The following RBPMS variants were observed in gnomAD, a reference collection of about 807,000 sequenced individuals.
RBPMS encodes RNA binding protein, mRNA processing factor.
RBPMS carries 7 observed loss-of-function variants against 26.8 expected under a neutral mutation model. The ratio of observed to expected loss-of-function variants is 0.26; its 90% confidence interval spans 0.15 to 0.49. RBPMS has a LOEUF of 0.49. RBPMS is among the 20% of genes least tolerant of loss of function. The pLI is 0.98. For synonymous variants in RBPMS, 96 were observed against 93.3 expected (o/e 1.03, Z -0.17); for missense variants, 186 against 250.0 (o/e 0.74, Z 1.73).
intron 5 of RBPMS, among the ~76,000 whole-genome samples, chr8:30,540,935 C>G (rs1825320789): frequency 1.3e-5 from 2 of 152,174 alleles, no homozygotes; most frequent in Admixed American, 1.3e-4. Flanking sequence ...AAGGTAGCAT[C>G]TTGCTGAAAT....
chr8:30,540,761 A>T (rs570876397), intron 5 of RBPMS, among the ~76,000 whole-genome samples: 75 of 152,208 alleles, frequency 4.9e-4, no homozygotes, highest in Non-Finnish European at 9.9e-4. Flanking sequence ...TCTTGACTTG[A>T]GTGTGGAAGC....
At chr8:30,501,465 T>G (rs1820550391) in intron 4 of RBPMS, among the ~76,000 whole-genome samples, 1 of 151,818 alleles carries the variant, frequency 6.6e-6, no homozygotes, top group African/African-American at 2.4e-5. Context: ...CAGTGTCCTT[T>G]TAAAGATCTC....
intron 1 of RBPMS, among the ~76,000 whole-genome samples, chr8:30,462,736 G>T (rs370531313): frequency 2.7e-5 from 4 of 150,502 alleles, no homozygotes; most frequent in Admixed American, 1.3e-4. Context: ...CTGATTTTTT[G>T]TTGTTGTTGT....
At chr8:30,556,378 G>A (rs538132522) in intron 6 of RBPMS, 23 of 985,578 alleles carry the variant, frequency 2.3e-5, no homozygotes, top group South Asian at 4.7e-5. Flanking sequence ...GCACCTGTGC[G>A]AGTGAGAACG....
chr8:30,466,783 G>A (rs1478128370), intron 1 of RBPMS, among the ~76,000 whole-genome samples: 3 of 151,940 alleles, frequency 2.0e-5, no homozygotes, highest in Non-Finnish European at 2.9e-5. Flanking sequence ...TAGTAGAGAC[G>A]GGGTTTCACC....
At chr8:30,455,562 A>G (rs1472595365) in intron 1 of RBPMS, among the ~76,000 whole-genome samples, 1 of 152,174 alleles carries the variant, frequency 6.6e-6, no homozygotes, top group African/African-American at 2.4e-5. Context: ...TAAGAGTAGA[A>G]GAGAGCCTTC....
At chr8:30,537,426 C>T in intron 5 of RBPMS, among the ~76,000 whole-genome samples, 1 of 152,124 alleles carries the variant, frequency 6.6e-6, no homozygotes, top group East Asian at 1.9e-4. Context: ...GTTGCTTCTG[C>T]AGTTTGTATC....
intron 2 of RBPMS, among the ~76,000 whole-genome samples, chr8:30,475,912 G>A (rs1257178654): frequency 2.6e-5 from 4 of 152,150 alleles, no homozygotes; most frequent in African/African-American, 9.7e-5. Flanking sequence ...AGGTCAGGTG[G>A]GAGGAAGTGG....
intron 5 of RBPMS, among the ~76,000 whole-genome samples, chr8:30,539,496 C>T (rs750942297): frequency 2.2e-4 from 34 of 152,104 alleles, no homozygotes; most frequent in Non-Finnish European, 4.7e-4. Flanking sequence ...ATTTCTCTCC[C>T]ACCCAGAATT....
chr8:30,459,965 G>A (rs899817085), intron 1 of RBPMS, among the ~76,000 whole-genome samples: 1 of 152,092 alleles, frequency 6.6e-6, no homozygotes, highest in Non-Finnish European at 1.5e-5. Context: ...AGCAAGACTT[G>A]TAAGATCTGT....
In RBPMS at chr8:30,544,774, C is replaced by G. The variant is rs555422196; in HGVS notation, c.528+150C>G. On this transcript the variant is annotated intron_variant, in intron 6 of 8. Transcript: ENST00000397323. ...TGATCCCCTCTAAATCAAGCTGACA[C>G]TCCTTCAGGACTGACGAGGATCGTC... The G allele has an allele frequency of 1.4e-3, 2,225 of 1,593,754 alleles. 14 individuals are homozygous for G. Among genetic ancestry groups the G allele is most frequent in the South Asian group, 9.4e-3 (845 of 90,326 alleles).
chr8:30,441,956 A>T (rs1563321370), intron 1 of RBPMS, among the ~76,000 whole-genome samples: 1 of 152,022 alleles, frequency 6.6e-6, no homozygotes, highest in Non-Finnish European at 1.5e-5. Flanking sequence ...GGTCCAGCTA[A>T]TTTTTTTATT....
chr8:30,557,883 G>C (rs1827096176), intron 6 of RBPMS, among the ~76,000 whole-genome samples: 1 of 152,120 alleles, frequency 6.6e-6, no homozygotes, highest in Admixed American at 6.5e-5. Context: ...TTTCTTGTTT[G>C]TTTTGAGATT....
At chr8:30,452,728 G>A (rs958548176) in intron 1 of RBPMS, among the ~76,000 whole-genome samples, 1 of 152,178 alleles carries the variant, frequency 6.6e-6, no homozygotes, top group African/African-American at 2.4e-5. Context: ...TACTGCAGGG[G>A]ATATACCAGG....
chr8:30,558,159 CA>C (rs1827127897), intron 6 of RBPMS: 1 of 151,996 alleles, frequency 6.6e-6, no homozygotes, highest in Non-Finnish European at 1.5e-5. Context: ...CCACCACACC[CA>C]TTTTTTTTTT....
intron 8 of RBPMS, among the ~76,000 whole-genome samples, chr8:30,570,436 C>T (rs1372773298): frequency 6.6e-6 from 1 of 152,154 alleles, no homozygotes; most frequent in Non-Finnish European, 1.5e-5. Context: ...GGTTTGTGAG[C>T]GGGAGCCAAG....
Position 30,530,813 on chromosome 8 carries a change from T to G in RBPMS, c.398-13681T>G, listed in dbSNP as rs1824135431. 2.0e-5 allele frequency among the ~76,000 whole-genome samples: 3 copies of G among 152,148 alleles called. No homozygotes were observed. In the South Asian group the frequency reaches 6.2e-4, roughly 32 times the overall value. On this transcript the variant is annotated intron_variant, in intron 5 of 8. Coordinates refer to ENST00000397323, the MANE Select transcript of RBPMS (RefSeq NM_001008710.3). The stretch of plus-strand genomic sequence containing the variant: ...TTATCTTTTCAATTATGACAACCTA[T>G]GAGAATAGGTACTACTACTACTATT...
intron 5 of RBPMS, among the ~76,000 whole-genome samples, chr8:30,521,601 C>T: frequency 6.6e-6 from 1 of 152,168 alleles, no homozygotes; most frequent in East Asian, 1.9e-4. Flanking sequence ...TTTTAGATTA[C>T]TCATATAATT....
chr8:30,566,328 T>C lies in RBPMS; in HGVS notation c.*79T>C, dbSNP rs1283418592. ...TGCAATCTTCAGTGGTGGCTACTGT[T>C]CTCTAGCTGTTCTACAAAACTGGAG... is the stretch of plus-strand genomic sequence containing the variant. On this transcript the variant is annotated 3_prime_UTR_variant, in exon 8 of 9. Coordinates refer to ENST00000397323, the MANE Select transcript of RBPMS (RefSeq NM_001008710.3). 4 of 982,378 alleles carry C rather than the reference T, an allele frequency of 4.1e-6. No individual in the cohort carries two copies. Among genetic ancestry groups the C allele is most frequent in the African/African-American group, 1.8e-5 (1 of 56,682 alleles). 60.9% of individuals were successfully genotyped at this position (982,378 alleles called of 1,614,324 possible).
Sources: allele counts gnomAD v4.1 joint callset (sites outside exome capture counted in the v4.1 genomes callset), GRCh38; gene constraint gnomAD v4.1.1; transcripts MANE v1.5; gene names NCBI Gene and HGNC (gene_info 2026-07-23, HGNC 2026-07-21).